The following DAB1 variants were observed in gnomAD, a reference collection of about 807,000 sequenced individuals.
DAB1 encodes the protein DAB adaptor protein 1, also known as disabled homolog 1.
A neutral mutation model predicts 64.6 loss-of-function variants in DAB1; 15 were observed. That is an observed-to-expected ratio of 0.23 (90% confidence interval 0.16 to 0.36). The LOEUF is 0.36. Among genes scored for constraint, DAB1 ranks in the 10% least tolerant of loss-of-function variants. The pLI is 1.00. For missense variants in DAB1, 596 were observed against 706.7 expected (o/e 0.84, Z 1.78); for synonymous variants, 235 against 251.9 (o/e 0.93, Z 0.64).
At chr1:58,050,892 CT>C (rs1647606575) in intron 5 of DAB1, among the ~76,000 whole-genome samples, 2 of 152,128 alleles carry the variant, frequency 1.3e-5, no homozygotes, top group Non-Finnish European at 2.9e-5. Flanking sequence ...TCTTGCTGAG[CT>C]TTTCCTAAGT....
chr1:57,671,701 G>A (rs529089699), intron 6 of DAB1, among the ~76,000 whole-genome samples: 1 of 152,002 alleles, frequency 6.6e-6, no homozygotes, highest in South Asian at 2.1e-4. Context: ...TGCTAGACTA[G>A]TCAAAGTCTG....
chr1:57,229,840 A>T lies in DAB1; in HGVS notation c.67+61124T>A, dbSNP rs1469279781. The stretch of plus-strand genomic sequence containing the variant: ...CCTGTTTCCCATGTGAGGTCACCTC[A>T]TGTTAAAGAAAAGTCTCTCAGTTGA... On this transcript the variant is annotated intron_variant, in intron 2 of 14. Transcript: ENST00000371236. Among the ~76,000 whole-genome samples, 4 of 152,186 alleles carry T rather than the reference A, an allele frequency of 2.6e-5. No homozygotes were observed. In the East Asian group the frequency reaches 7.7e-4, roughly 29 times the overall value.
intron 4 of DAB1, among the ~76,000 whole-genome samples, chr1:58,177,332 A>T (rs1476501394): frequency 6.6e-6 from 1 of 152,144 alleles, no homozygotes; most frequent in African/African-American, 2.4e-5. Flanking sequence ...TATAGAAGAA[A>T]CTCTCATATA....
chr1:58,088,320 C>A (rs948515103), intron 5 of DAB1, among the ~76,000 whole-genome samples: 1 of 152,110 alleles, frequency 6.6e-6, no homozygotes, highest in Non-Finnish European at 1.5e-5. Flanking sequence ...CACGGGTTAG[C>A]GACATTTTGC....
At chr1:57,339,241 C>T (rs1223562136) in intron 1 of DAB1, among the ~76,000 whole-genome samples, 3 of 151,880 alleles carry the variant, frequency 2.0e-5, no homozygotes, top group Non-Finnish European at 2.9e-5. Context: ...CGGCAAGCTC[C>T]GCCTCTTGGG....
At chr1:57,009,263 T>C (rs919979543) in intron 14 of DAB1, among the ~76,000 whole-genome samples, 2 of 152,218 alleles carry the variant, frequency 1.3e-5, no homozygotes, top group East Asian at 3.9e-4. Context: ...AGTCTGCCTA[T>C]AGTCCCCAAC....
At chr1:57,459,756 A>T (rs1686719050) in intron 7 of DAB1, among the ~76,000 whole-genome samples, 1 of 152,194 alleles carries the variant, frequency 6.6e-6, no homozygotes, top group Admixed American at 6.5e-5. Context: ...TACTGAGCCA[A>T]TGCTGTTCTC....
chr1:58,047,495 A>C (rs1647314850), intron 5 of DAB1, among the ~76,000 whole-genome samples: 3 of 152,170 alleles, frequency 2.0e-5, no homozygotes, highest in Non-Finnish European at 1.5e-5. Context: ...GTGTGGGTGC[A>C]ATGAAGCCAC....
chr1:57,968,696 G>A (rs1254307820), intron 5 of DAB1, among the ~76,000 whole-genome samples: 1 of 152,080 alleles, frequency 6.6e-6, no homozygotes, highest in East Asian at 1.9e-4. Flanking sequence ...AATGAGAGAT[G>A]GGTTAGAACA....
At chr1:58,258,662 G>T (rs951061356) in intron 4 of DAB1, among the ~76,000 whole-genome samples, 1 of 152,222 alleles carries the variant, frequency 6.6e-6, no homozygotes, top group African/African-American at 2.4e-5. Flanking sequence ...GCTGGAGAAA[G>T]ACGAAGGTTT....
intron 2 of DAB1, among the ~76,000 whole-genome samples, chr1:57,200,559 A>G (rs937245986): frequency 3.9e-5 from 6 of 152,036 alleles, no homozygotes; most frequent in Non-Finnish European, 8.8e-5. Flanking sequence ...GAGTGTTTTA[A>G]TCTTTCTGGG....
intron 2 of DAB1, among the ~76,000 whole-genome samples, chr1:57,189,792 T>G (rs1385368832): frequency 6.7e-6 from 1 of 148,688 alleles, no homozygotes; most frequent in Admixed American, 6.7e-5. Context: ...CTCGGGTACA[T>G]GGCCAGCTCT....
intron 1 of DAB1, among the ~76,000 whole-genome samples, chr1:57,363,784 T>C (rs1312270799): frequency 6.6e-6 from 1 of 152,092 alleles, no homozygotes; most frequent in Non-Finnish European, 1.5e-5. Flanking sequence ...CCAGGACATC[T>C]AGAAATAAGA....
At chr1:57,254,044 C>A (rs957864348) in intron 2 of DAB1, among the ~76,000 whole-genome samples, 14 of 152,204 alleles carry the variant, frequency 9.2e-5, no homozygotes, top group African/African-American at 3.4e-4. Context: ...TTTAGAGAAT[C>A]TTCCCCTTCT....
intron 5 of DAB1, among the ~76,000 whole-genome samples, chr1:57,938,780 G>T (rs1194286705): frequency 6.6e-6 from 1 of 152,022 alleles, no homozygotes; most frequent in Non-Finnish European, 1.5e-5. Flanking sequence ...GCCCCCTGGA[G>T]GTACCCTGCA....
At chr1:57,662,049 G>A (rs1471763951) in intron 6 of DAB1, among the ~76,000 whole-genome samples, 2 of 152,110 alleles carry the variant, frequency 1.3e-5, no homozygotes, top group African/African-American at 2.4e-5. Context: ...GGAACTAAAC[G>A]CCAAGAAGAC....
At chr1:58,283,138 C>T (rs1557721995) in intron 4 of DAB1, among the ~76,000 whole-genome samples, 1 of 152,028 alleles carries the variant, frequency 6.6e-6, no homozygotes, top group African/African-American at 2.4e-5. Flanking sequence ...CTTCCCCACC[C>T]CCCAAGCCCC....
intron 4 of DAB1, among the ~76,000 whole-genome samples, chr1:58,215,876 G>A (rs1456804981): frequency 6.6e-6 from 1 of 152,100 alleles, no homozygotes; most frequent in Non-Finnish European, 1.5e-5. Flanking sequence ...GACTTCTCTT[G>A]AGAATGCAGT....
At chr1:58,365,852 C>A (rs1204458674) in intron 3 of DAB1, among the ~76,000 whole-genome samples, 1 of 152,114 alleles carries the variant, frequency 6.6e-6, no homozygotes, top group African/African-American at 2.4e-5. Flanking sequence ...CCCTCACTTG[C>A]CTCACCCTAG....
Sources: allele counts gnomAD v4.1 joint callset (sites outside exome capture counted in the v4.1 genomes callset), GRCh38; gene constraint gnomAD v4.1.1; transcripts MANE v1.5; gene names NCBI Gene and HGNC (gene_info 2026-07-23, HGNC 2026-07-21).